TARBP1: variants seen among roughly 807,000 people sequenced by gnomAD.
TARBP1 encodes the protein tRNA (guanosine(18)-2'-O)-methyltransferase TARBP1.
TARBP1 carries 144 observed loss-of-function variants against 178.6 expected under a neutral mutation model. The observed-to-expected ratio is 0.81, with a 90% CI of 0.70 to 0.93. The LOEUF (loss-of-function observed/expected upper bound fraction) is 0.93. Among genes scored for constraint, TARBP1 ranks in the 40% least tolerant of loss-of-function variants. The pLI, the probability that TARBP1 is intolerant of heterozygous loss-of-function variation, is 0.00. For missense variants in TARBP1, 2,067 were observed against 2,011.7 expected, an observed-to-expected ratio of 1.03 and a Z score of -0.53; for synonymous variants, 787 against 781.0, an observed-to-expected ratio of 1.01 and a Z score of -0.13.
At chr1:234,437,747 C>T (rs1377143459) in intron 12 of TARBP1, among the ~76,000 whole-genome samples, 1 of 152,208 alleles carries the variant, frequency 6.6e-6, no homozygotes, top group Non-Finnish European at 1.5e-5. Flanking sequence ...GTCCTCCTCC[C>T]AATTGTAACC....
At chr1:234,429,802 T>C (rs2103128685) in intron 15 of TARBP1, 125 bp from the exon 16 acceptor site, 2 of 1,125,072 alleles carry the variant, frequency 1.8e-6, no homozygotes, top group Non-Finnish European at 2.5e-6. Context: ...AAATGGTCAT[T>C]ATCAAACAGC....
chr1:234,449,586 A>T (rs1666532556), intron 10 of TARBP1, among the ~76,000 whole-genome samples: 1 of 152,226 alleles, frequency 6.6e-6, no homozygotes, highest in South Asian at 2.1e-4. Context: ...ACAGCATAAG[A>T]CATTTACTAG....
At chr1:234,442,480 T>C (rs270532) in intron 12 of TARBP1, among the ~76,000 whole-genome samples, 32,540 of 152,034 alleles carry the variant, frequency 0.21, 4,519 homozygotes, top group African/African-American at 0.4. Context: ...GGCTATATTA[T>C]ATAGCCTCTG....
chr1:234,446,228 C>T (rs549650393), intron 12 of TARBP1, among the ~76,000 whole-genome samples: 93 of 152,256 alleles, frequency 6.1e-4, no homozygotes, highest in African/African-American at 2.1e-3. Context: ...CTGATGTCTA[C>T]GGGTTTTCAA....
At chr1:234,467,166 G>A (rs1668528488) in intron 4 of TARBP1, among the ~76,000 whole-genome samples, 1 of 152,144 alleles carries the variant, frequency 6.6e-6, no homozygotes. Context: ...AGTCATCAGT[G>A]GCTCAGAACG....
chr1:234,472,165 C>T (rs1669123300), intron 2 of TARBP1, among the ~76,000 whole-genome samples: 2 of 151,918 alleles, frequency 1.3e-5, no homozygotes, highest in East Asian at 3.9e-4. Context: ...GGTGGAACCC[C>T]ATCTCTACTA....
intron 12 of TARBP1, among the ~76,000 whole-genome samples, chr1:234,440,636 TC>T: frequency 6.6e-6 from 1 of 152,030 alleles, no homozygotes; most frequent in East Asian, 1.9e-4. Flanking sequence ...ACAAAGAAAA[TC>T]CCAAGGAACC....
chr1:234,462,950 G>A (rs1668033803), intron 6 of TARBP1, among the ~76,000 whole-genome samples: 1 of 152,054 alleles, frequency 6.6e-6, no homozygotes, highest in South Asian at 2.1e-4. Flanking sequence ...CACAAAGGTG[G>A]GAGTAACACA....
intron 12 of TARBP1, among the ~76,000 whole-genome samples, chr1:234,439,567 T>G (rs1421534718): frequency 6.6e-6 from 1 of 152,226 alleles, no homozygotes; most frequent in African/African-American, 2.4e-5. Flanking sequence ...GGCTCATGCC[T>G]GTAATCTTAG....
intron 22 of TARBP1, among the ~76,000 whole-genome samples, chr1:234,410,852 C>G (rs974217303): frequency 2.6e-5 from 4 of 152,238 alleles, no homozygotes; most frequent in African/African-American, 9.6e-5. Context: ...GCGGGTGGAT[C>G]ATTTCAGGCC....
At chr1:234,445,648 A>G (rs1381243137) in intron 12 of TARBP1, among the ~76,000 whole-genome samples, 1 of 152,158 alleles carries the variant, frequency 6.6e-6, no homozygotes, top group East Asian at 1.9e-4. Context: ...CTTGAGGAAT[A>G]TCTATATATG....
In TARBP1 at chr1:234,434,987, G is replaced by C. The variant is rs147344044; in HGVS notation, c.2233-1416C>G. ...AAAGAATAAAGAAAAATACAGTTTG[G>C]AAAGTATCCATTAAGTTTATGAAAA... On this transcript the variant is annotated intron_variant, in intron 13 of 29. Coordinates refer to ENST00000040877, the MANE Select transcript of TARBP1 (RefSeq NM_005646.4). Among the ~76,000 whole-genome samples the C allele has an allele frequency of 3.6e-4, 55 of 152,306 alleles. 1 individual carries two copies. The East Asian group carries it at 7.7e-3, about 21-fold the overall frequency.
intron 9 of TARBP1, among the ~76,000 whole-genome samples, chr1:234,452,555 C>T (rs949228400): frequency 2.0e-5 from 3 of 152,108 alleles, no homozygotes; most frequent in East Asian, 1.9e-4. Context: ...AAATCCAGAA[C>T]GCTGACAAAC....
chr1:234,428,639 G>A (rs1015010034), intron 17 of TARBP1, among the ~76,000 whole-genome samples: 2 of 151,878 alleles, frequency 1.3e-5, no homozygotes, highest in African/African-American at 4.8e-5. Context: ...ACCGCCTCCT[G>A]GGTTCAAGCA....
At chr1:234,434,551 C>A (rs760791534) in intron 13 of TARBP1, among the ~76,000 whole-genome samples, 1 of 152,106 alleles carries the variant, frequency 6.6e-6, no homozygotes, top group African/African-American at 2.4e-5. Context: ...ACATTCACTG[C>A]GACAGTAACC....
At chr1:234,457,114 C>A (rs79627403) in intron 9 of TARBP1, among the ~76,000 whole-genome samples, 69 of 152,174 alleles carry the variant, frequency 4.5e-4, no homozygotes, top group African/African-American at 1.6e-3. Context: ...AGGCCAGGGA[C>A]GTGACATCAA....
intron 22 of TARBP1, among the ~76,000 whole-genome samples, chr1:234,416,920 C>T (rs1190489316): frequency 2.0e-5 from 3 of 152,168 alleles, no homozygotes; most frequent in African/African-American, 7.2e-5. Flanking sequence ...GAAAGAGAAG[C>T]AGACAGGCTA....
rs946897881 is a variant in TARBP1 at position 234,456,798 on chromosome 1, G to A, written c.1722+869C>T. ...CCAAAAAATATGAATTTAGTTTGACGGTAGGCATTACAGATTATTTTTATT... is the reference window on the plus strand; with the variant it reads ...CCAAAAAATATGAATTTAGTTTGACAGTAGGCATTACAGATTATTTTTATT... On this transcript the variant is annotated intron_variant, in intron 9 of 29. Coordinates refer to ENST00000040877, the MANE Select transcript of TARBP1 (RefSeq NM_005646.4). Among the ~76,000 whole-genome samples, 5 of 152,152 alleles carry A rather than the reference G, an allele frequency of 3.3e-5. No homozygotes were observed. In the South Asian group the frequency reaches 6.2e-4, roughly 19 times the overall value.
At chr1:234,429,747 A>C (rs1572293845) in intron 15 of TARBP1, 70 bp from the exon 16 acceptor site, 1 of 1,067,870 alleles carries the variant, frequency 9.4e-7, no homozygotes. Context: ...CACGTAGCAC[A>C]CTATCCTTTC....
Sources: gnomAD v4.1 joint callset for allele counts (sites outside exome capture counted in the v4.1 genomes callset) on GRCh38, gnomAD v4.1.1 for gene constraint, MANE v1.5 for transcripts, NCBI Gene and HGNC (gene_info 2026-07-23, HGNC 2026-07-21) for gene names.